Variants in LURAP1L observed in about 807,000 individuals in gnomAD.
LURAP1L encodes the protein leucine rich adaptor protein 1-like.
LURAP1L carries 12 observed loss-of-function variants against 13.8 expected under a neutral mutation model. That is an observed-to-expected ratio of 0.87 (90% CI 0.56 to 1.41). The LOEUF (loss-of-function observed/expected upper bound fraction) is 1.41. LURAP1L is among the 40% of genes most tolerant of loss of function. The probability of loss-of-function intolerance (pLI) is 0.00; values close to 1 mark genes in which losing one functional copy is unlikely to be tolerated. For missense variants in LURAP1L, 375 were observed against 292.9 expected, an observed-to-expected ratio of 1.28 and a Z score of -2.04; for synonymous variants, 139 against 119.2, an observed-to-expected ratio of 1.17 and a Z score of -1.08.
In LURAP1L at chr9:12,776,740, C is replaced by G. The variant is rs1819191092; in HGVS notation, c.312+713C>G. 2.0e-5 allele frequency among the ~76,000 whole-genome samples: 3 copies of G among 152,148 alleles called. No individual in the cohort carries two copies. In the South Asian group the frequency reaches 6.2e-4, roughly 32 times the overall value. ...TAAGGACCATCTCCCACCCTTCTCC[C>G]TCAAGTCTCAATCTGCAGTTGTTTT... On this transcript the variant is annotated intron_variant, in intron 1 of 1. Transcript: ENST00000319264.
chr9:12,821,501 G>A lies in LURAP1L; in HGVS notation c.428G>A (p.Ser143Asn), dbSNP rs763970357. ...AAAGCCACCATTACCAGCAGAGGCA[G>A]CAGCCTCAGTGGCAGCCTGTGCAGT... ...EEKATITSRG[S>N]SLSGSLCSLL... The change falls in exon 2 of 2, where the codon AGC becomes AAC. Residue 143 changes from serine (S) to asparagine (N), a missense_variant. Coordinates refer to ENST00000319264, the MANE Select transcript of LURAP1L (RefSeq NM_203403.2). 2.5e-6 allele frequency: 4 copies of A among 1,614,190 alleles called. No homozygotes were observed. The highest frequency in any genetic ancestry group is 3.4e-6 in the Non-Finnish European group (4 of 1,180,044).
At chr9:12,789,660 G>A (rs1425606308) in intron 1 of LURAP1L, among the ~76,000 whole-genome samples, 1 of 152,162 alleles carries the variant, frequency 6.6e-6, no homozygotes, top group Non-Finnish European at 1.5e-5. Context: ...TCATAGGAAG[G>A]CAAGGGAGTT....
chr9:12,808,423 A>G (rs1172677585), intron 1 of LURAP1L, among the ~76,000 whole-genome samples: 2 of 152,142 alleles, frequency 1.3e-5, no homozygotes, highest in East Asian at 3.9e-4. Context: ...TTGTTGTACC[A>G]CTATCACCAC....
chr9:12,788,093 C>T (rs1819383332), intron 1 of LURAP1L, among the ~76,000 whole-genome samples: 1 of 139,134 alleles, frequency 7.2e-6, no homozygotes, highest in African/African-American at 2.7e-5. Flanking sequence ...GCCTTGGTGA[C>T]AGAGCGAAAC....
At chr9:12,793,997 A>C (rs562842112) in intron 1 of LURAP1L, among the ~76,000 whole-genome samples, 43 of 152,102 alleles carry the variant, frequency 2.8e-4, no homozygotes, top group Non-Finnish European at 3.8e-4. Flanking sequence ...TGGCATTAAT[A>C]AACAAGCCTG....
At chr9:12,803,346 T>C (rs1819613105) in intron 1 of LURAP1L, among the ~76,000 whole-genome samples, 1 of 152,218 alleles carries the variant, frequency 6.6e-6, no homozygotes. Context: ...GACAGGAGAA[T>C]GGGGACATGG....
chr9:12,787,098 G>T (rs373970095), intron 1 of LURAP1L, among the ~76,000 whole-genome samples: 1 of 152,056 alleles, frequency 6.6e-6, no homozygotes, highest in Non-Finnish European at 1.5e-5. Context: ...CATGCAAAGA[G>T]TACAAAAGTA....
rs780274330 is a variant in LURAP1L, at chr9:12,821,447, T to A, written c.374T>A (p.Ile125Asn). 3 of 1,614,080 alleles carry A rather than the reference T, an allele frequency of 1.9e-6. No individual in the cohort carries two copies. In the South Asian group the frequency reaches 3.3e-5, roughly 18 times the overall value. ...MRQLLVINES[I>N]ESIKWMIEEK... is the part of the protein sequence containing the mutation. The stretch of plus-strand genomic sequence containing the variant: ...CAGTTGCTTGTAATCAATGAGAGCA[T>A]CGAGTCCATCAAGTGGATGATCGAA... Residue 125 changes from isoleucine (I) to asparagine (N), a missense_variant, in exon 2 of 2, where the codon ATC becomes AAC. Ile to Asn is a moderately radical substitution (Grantham distance 149). Coordinates refer to ENST00000319264, the MANE Select transcript of LURAP1L (RefSeq NM_203403.2).
chr9:12,813,027 G>A (rs1350076096), intron 1 of LURAP1L, among the ~76,000 whole-genome samples: 14 of 152,024 alleles, frequency 9.2e-5, no homozygotes, highest in Non-Finnish European at 1.8e-4. Context: ...ATTACCTTCA[G>A]ATTTTAATTA....
chr9:12,789,575 T>C (rs1188284294), intron 1 of LURAP1L, among the ~76,000 whole-genome samples: 1 of 152,176 alleles, frequency 6.6e-6, no homozygotes, highest in African/African-American at 2.4e-5. Flanking sequence ...CCTCTCTTTA[T>C]AGAATCAGGT....
intron 1 of LURAP1L, among the ~76,000 whole-genome samples, chr9:12,818,468 G>T (rs952523866): frequency 2.6e-5 from 4 of 152,148 alleles, no homozygotes; most frequent in African/African-American, 9.7e-5. Context: ...CAGACCTTAA[G>T]ATAAGGAAGA....
At chr9:12,788,773 TC>T (rs143021054) in intron 1 of LURAP1L, among the ~76,000 whole-genome samples, 10,258 of 152,084 alleles carry the variant, frequency 0.067, 434 homozygotes, top group Admixed American at 0.1. Flanking sequence ...ACTTTCTTTT[TC>T]TTAAGCTCCT....
intron 1 of LURAP1L, among the ~76,000 whole-genome samples, chr9:12,786,547 CA>C (rs779672542): frequency 4.9e-4 from 26 of 53,008 alleles, no homozygotes; most frequent in Admixed American, 1.1e-3. Flanking sequence ...ATATATATGA[CA>C]TATATATATA....
chr9:12,788,887 C>T (rs1222217106), intron 1 of LURAP1L, among the ~76,000 whole-genome samples: 1 of 149,520 alleles, frequency 6.7e-6, no homozygotes, highest in Admixed American at 6.7e-5. Context: ...CAAAGCGAGA[C>T]CCTATATCTA....
intron 1 of LURAP1L, among the ~76,000 whole-genome samples, chr9:12,814,784 G>A (rs1316259780): frequency 6.6e-6 from 1 of 152,266 alleles, no homozygotes; most frequent in East Asian, 1.9e-4. Context: ...TTAGTCCTTG[G>A]GGAAATTACT....
chr9:12,776,507 C>CCTAG (rs1168616124), intron 1 of LURAP1L, among the ~76,000 whole-genome samples: 1 of 152,062 alleles, frequency 6.6e-6, no homozygotes, highest in Middle Eastern at 3.2e-3. Context: ...AGCCTTTCCT[C>CCTAG]CTAGCTCACC....
At chr9:12,805,163 C>T (rs946134427) in intron 1 of LURAP1L, among the ~76,000 whole-genome samples, 2 of 152,112 alleles carry the variant, frequency 1.3e-5, no homozygotes, top group South Asian at 2.1e-4. Flanking sequence ...GCTTCTGAGG[C>T]AGCATTTTTA....
intron 1 of LURAP1L, among the ~76,000 whole-genome samples, chr9:12,798,860 A>G (rs975646922): frequency 6.6e-6 from 1 of 152,184 alleles, no homozygotes; most frequent in African/African-American, 2.4e-5. Context: ...GCTTGCAAAT[A>G]TTTGTTGATT....
chr9:12,789,500 C>G (rs1260049866), intron 1 of LURAP1L, among the ~76,000 whole-genome samples: 1 of 152,142 alleles, frequency 6.6e-6, no homozygotes, highest in Non-Finnish European at 1.5e-5. Flanking sequence ...AGCGCCCCTA[C>G]ACAGATGCAG....
Sources: allele counts gnomAD v4.1 joint callset (sites outside exome capture counted in the v4.1 genomes callset), GRCh38; gene constraint gnomAD v4.1.1; transcripts MANE v1.5; gene names NCBI Gene and HGNC (gene_info 2026-07-23, HGNC 2026-07-21).